The following MMRN2 variants were observed in gnomAD, a reference collection of about 807,000 sequenced individuals.
The protein encoded by MMRN2 is multimerin-2.
MMRN2 carries 53 observed loss-of-function variants against 68.8 expected under a neutral mutation model. The observed-to-expected ratio is 0.77, with a 90% CI of 0.62 to 0.97. The LOEUF is 0.97. MMRN2 is among the 50% of genes least tolerant of loss of function. The probability of loss-of-function intolerance (pLI) is 0.00; values close to 1 mark genes in which losing one functional copy is unlikely to be tolerated. For synonymous variants in MMRN2, 564 were observed against 551.6 expected (o/e 1.02, Z -0.32); for missense variants, 1,266 against 1,259.5 (o/e 1.01, Z -0.08).
intron 6 of MMRN2, among the ~76,000 whole-genome samples, chr10:86,939,836 TGTTTG>T (rs1564730637): frequency 5.5e-4 from 73 of 132,562 alleles, no homozygotes; most frequent in African/African-American, 1.7e-3. Context: ...TGTGTGTGTG[TGTTTG>T]TGTGTGTGTG....
Position 86,957,548 on chromosome 10 carries a change from G to C in MMRN2, c.-7C>G. The C allele has an allele frequency of 6.2e-7, 1 of 1,603,772 alleles. No individual in the cohort carries two copies. The highest frequency in any genetic ancestry group is 8.5e-7 in the Non-Finnish European group (1 of 1,175,534). ...ACAGCAAGCTCAGGATCATCTTGGT[G>C]GTGGGGCAGGCTCAGCTCACACTCA... On this transcript the variant is annotated 5_prime_UTR_variant, in exon 1 of 7. Transcript: ENST00000372027.
chr10:86,952,399 T>C (rs1050292973), intron 1 of MMRN2, among the ~76,000 whole-genome samples: 9 of 152,194 alleles, frequency 5.9e-5, no homozygotes, highest in South Asian at 2.1e-4. Flanking sequence ...GGGCTCAGTA[T>C]TGGGGGAACC....
rs1195506883 is a variant in MMRN2, at chr10:86,942,646, C to T, written c.2138G>A (p.Arg713Gln). Reference sequence around the variant, plus strand: ...GGCCCCGGCCTCGGCCTCGCAGCACCGCCCGACATTCTTGACGTCGTTGCT... The same window carrying T: ...GGCCCCGGCCTCGGCCTCGCAGCACTGCCCGACATTCTTGACGTCGTTGCT... ...SLSNDVKNVG[R>Q]CCEAEAGAGA... is the part of the protein sequence containing the mutation. The change falls in exon 6 of 7, where the codon CGG becomes CAG. Residue 713 changes from arginine (R) to glutamine (Q), a missense_variant. Coordinates refer to ENST00000372027, the MANE Select transcript of MMRN2 (RefSeq NM_024756.3). 6.3e-7 allele frequency: 1 copy of T among 1,598,434 alleles called. No homozygotes were observed. Among genetic ancestry groups the T allele is most frequent in the Non-Finnish European group, 8.5e-7 (1 of 1,178,844 alleles).
At position 86,945,244 on chromosome 10, in the gene MMRN2, G is replaced by T. The variant is rs370208014; in HGVS notation, c.425C>A (p.Ala142Glu). The T allele has an allele frequency of 5.6e-6, 9 of 1,613,730 alleles. No homozygotes were observed. The African/African-American group carries it at 1.2e-4, about 22-fold the overall frequency. ...TTCCTGGTGGCTGTCACCAGGATCT[G>T]CAGGCTCAGGGATTGCCATGGAATC... is the stretch of plus-strand genomic sequence containing the variant. ...HHDSMAIPEP[A>E]DPGDSHQEPQ... The change falls in exon 4 of 7, where the codon GCA (alanine) becomes GAA (glutamate). Residue 142 changes from alanine to glutamate, a missense_variant. Coordinates refer to ENST00000372027, the MANE Select transcript of MMRN2 (RefSeq NM_024756.3).
chr10:86,947,692 T>C (rs749095317), intron 1 of MMRN2, among the ~76,000 whole-genome samples: 1 of 152,074 alleles, frequency 6.6e-6, no homozygotes, highest in Non-Finnish European at 1.5e-5. Context: ...TTTTGAGTGC[T>C]GAGTCCCCAG....
chr10:86,956,093 C>T (rs1389867726), intron 1 of MMRN2, among the ~76,000 whole-genome samples: 2 of 152,108 alleles, frequency 1.3e-5, no homozygotes, highest in African/African-American at 4.8e-5. Flanking sequence ...GTGGAGCTTC[C>T]TTGGTCCTGA....
At position 86,943,362 on chromosome 10, in the gene MMRN2, C is replaced by T. The variant is rs1373223442; in HGVS notation, c.1422G>A (p.Thr474=). Residue 474 remains threonine (T), a synonymous_variant, in exon 6 of 7, where the codon ACG becomes ACA. Transcript: ENST00000372027. This position sits in a 1 kb window ranked among gnomAD's most constrained non-coding sequence, Gnocchi z 4.2. Reference sequence around the variant, plus strand: ...CATGGCCACCCTGCAGGTGCTGCAGCGTGAGGTTGAGCTCCAGGAGCTGCC... The same window carrying T: ...CATGGCCACCCTGCAGGTGCTGCAGTGTGAGGTTGAGCTCCAGGAGCTGCC... ...VERQLLELNL[T]LQHLQGGHAD... 1.2e-6 allele frequency: 2 copies of T among 1,613,980 alleles called. No individual in the cohort carries two copies. The highest frequency in any genetic ancestry group is 1.7e-6 in the Non-Finnish European group (2 of 1,179,988).
At chr10:86,950,442 A>T (rs1017657052) in intron 1 of MMRN2, among the ~76,000 whole-genome samples, 17 of 152,220 alleles carry the variant, frequency 1.1e-4, no homozygotes, top group African/African-American at 3.6e-4. Context: ...GGGTAATTGC[A>T]TGGCACACCC....
At chr10:86,945,317 T>C in intron 3 of MMRN2, 49 bp from the exon 4 acceptor site, 1 of 1,610,944 alleles carries the variant, frequency 6.2e-7, no homozygotes, top group Non-Finnish European at 8.5e-7. Context: ...GAGGAGCTGC[T>C]TGACCTTGGG....
chr10:86,937,177 G>C, intron 6 of MMRN2, 52 bp from the exon 7 acceptor site: 1 of 1,584,958 alleles, frequency 6.3e-7, no homozygotes, highest in Non-Finnish European at 8.6e-7. Flanking sequence ...ACCATTGGGT[G>C]GGAAATTAAA....
At position 86,943,874 on chromosome 10, in the gene MMRN2, C is replaced by T; in HGVS notation, c.910G>A (p.Val304Met). The change falls in exon 6 of 7, where the codon GTG (valine) becomes ATG (methionine). Residue 304 changes from valine (V) to methionine (M), a missense_variant. By Grantham distance (21) the Val-to-Met change is conservative. Transcript: ENST00000372027. The surrounding 1 kb of genome is among the most constrained non-coding windows in gnomAD (Gnocchi z 4.2). ...EAKVQENTQR[V>M]GQLRQDVEDR... Reference sequence around the variant, plus strand: ...TCCACGTCCTGTCGCAGCTGACCCACTCTCTGAGTGTTCTCCTGGACCTTG... The same window carrying T: ...TCCACGTCCTGTCGCAGCTGACCCATTCTCTGAGTGTTCTCCTGGACCTTG... 1.9e-6 allele frequency: 3 copies of T among 1,613,988 alleles called. No individual in the cohort carries two copies. Among genetic ancestry groups the T allele is most frequent in the Non-Finnish European group, 1.7e-6 (2 of 1,180,036 alleles).
chr10:86,942,132 A>C (rs191717115), intron 6 of MMRN2, among the ~76,000 whole-genome samples, 185 bp downstream of exon 6: 3 of 152,290 alleles, frequency 2.0e-5, no homozygotes, highest in Admixed American at 2.0e-4. Flanking sequence ...TCTCCCCATA[A>C]GCCAGGTAGC....
In MMRN2 at chr10:86,957,484, C is replaced by T. The variant is rs765548952; in HGVS notation, c.58G>A (p.Ala20Thr). The T allele has an allele frequency of 5.0e-6, 8 of 1,613,024 alleles. No individual in the cohort carries two copies. The highest frequency in any genetic ancestry group is 1.1e-5 in the South Asian group (1 of 91,080). The change falls in exon 1 of 7, where the codon GCA becomes ACA. Residue 20 changes from alanine to threonine, a missense_variant. Transcript: ENST00000372027. ...GGPLGWGLLG[A>T]WAQASSTSLS... Reference sequence around the variant, plus strand: ...CTAGTACTGGAAGCCTGGGCCCATGCCCCCAGCAGCCCCCAGCCCAGGGGG... The same window carrying T: ...CTAGTACTGGAAGCCTGGGCCCATGTCCCCAGCAGCCCCCAGCCCAGGGGG...
In MMRN2 at chr10:86,943,074, C is replaced by A; in HGVS notation, c.1710G>T (p.Ala570=). The A allele has an allele frequency of 7.0e-7, 1 of 1,436,218 alleles. No homozygotes were observed. The allele number at this position is 1,436,218 out of a possible 1,614,324, so 89.0% of individuals were successfully genotyped here. ...TCAGCGCGCCCACCTCGTCATCCAG[C>A]GCCTGCACTTGGCTCCGGAGCCGCG... ...ATSRLRSQVQ[A]LDDEVGALKA... The change falls in exon 6 of 7, where the codon GCG becomes GCT. Residue 570 remains alanine, a synonymous_variant. Transcript: ENST00000372027. This position sits in a 1 kb window ranked among gnomAD's most constrained non-coding sequence, Gnocchi z 4.2.
chr10:86,954,970 G>A (rs967495558), intron 1 of MMRN2, among the ~76,000 whole-genome samples: 1 of 152,194 alleles, frequency 6.6e-6, no homozygotes, highest in Admixed American at 6.5e-5. Context: ...GCTCCCAGCT[G>A]GGAAAATCTC....
Position 86,945,365 on chromosome 10 carries a change from C to A in MMRN2, c.400+5G>T. 6.3e-7 allele frequency: 1 copy of A among 1,597,614 alleles called. No homozygotes were observed. The highest frequency in any genetic ancestry group is 1.1e-5 in the South Asian group (1 of 89,328). On this transcript the variant is annotated splice_donor_5th_base_variant and intron_variant, in intron 3 of 6. Coordinates refer to ENST00000372027, the MANE Select transcript of MMRN2 (RefSeq NM_024756.3). ...AGGGGGGAAGGGGGCCGCAGGGAGC[C>A]CTACCGTGGTGCTCGCAGTTGGGGC...
chr10:86,948,418 A>C (rs1469978024), intron 1 of MMRN2, among the ~76,000 whole-genome samples: 2 of 152,104 alleles, frequency 1.3e-5, no homozygotes, highest in Non-Finnish European at 2.9e-5. Flanking sequence ...GGGAGATGGG[A>C]GAGGAAGCGT....
chr10:86,942,221 T>C, intron 6 of MMRN2, 96 bp downstream of exon 6: 2 of 1,416,736 alleles, frequency 1.4e-6, no homozygotes, highest in Non-Finnish European at 1.9e-6. Flanking sequence ...GGCCATCCTG[T>C]TCTCTTTCTT....
chr10:86,942,964 TCGTGCCGCAGCG>T lies in MMRN2; in HGVS notation c.1808_1819del (p.Ala603_His606del). ...CCCGAAGAGCGCGGCCAGCACCGCC[TCGTGCCGCAGCG>T]CGTCCTCCAGCAGGGCGGCGAAGGC... is the stretch of plus-strand genomic sequence containing the variant. On this transcript the variant is annotated inframe_deletion, in exon 6 of 7. Coordinates refer to ENST00000372027, the MANE Select transcript of MMRN2 (RefSeq NM_024756.3). 1 of 1,496,384 alleles carries T rather than the reference TCGTGCCGCAGCG, an allele frequency of 6.7e-7. No homozygotes were observed. The allele number at this position is 1,496,384 out of a possible 1,614,324, so 92.7% of individuals were successfully genotyped here.
Sources: gnomAD v4.1 joint callset for allele counts (sites outside exome capture counted in the v4.1 genomes callset) on GRCh38, gnomAD v4.1.1 for gene constraint, Gnocchi (gnomAD v3.1) non-coding constraint, MANE v1.5 for transcripts, NCBI Gene and HGNC (gene_info 2026-07-23, HGNC 2026-07-21) for gene names.